Variants in KCNC1 observed in about 807,000 individuals in gnomAD.
The protein encoded by KCNC1 is voltage-gated potassium channel KCNC1.
KCNC1 carries 8 observed loss-of-function variants against 43.4 expected under a neutral mutation model. The ratio of observed to expected loss-of-function variants is 0.18; its 90% CI spans 0.11 to 0.33. KCNC1 has a LOEUF of 0.33. KCNC1 is among the 10% of genes least tolerant of loss of function. The probability of loss-of-function intolerance (pLI) is 1.00; values close to 1 mark genes in which losing one functional copy is unlikely to be tolerated. For missense variants in KCNC1, 420 were observed against 836.0 expected (o/e 0.50, Z 6.14); for synonymous variants, 361 against 360.5 (o/e 1.00, Z -0.01).
chr11:17,742,263 T>C lies in KCNC1; in HGVS notation c.570+5691T>C, dbSNP rs1848852095. Among the ~76,000 whole-genome samples, 1 of 152,014 alleles carries C rather than the reference T, an allele frequency of 6.6e-6. No individual in the cohort carries two copies. Among genetic ancestry groups the C allele is most frequent in the African/African-American group, 2.4e-5 (1 of 41,362 alleles). On this transcript the variant is annotated intron_variant, in intron 1 of 3. Transcript: ENST00000265969. The surrounding 1 kb of genome is among the most constrained non-coding windows in gnomAD (Gnocchi z 4.2). ...TTGACTCTGAGCAGGAGGCCTGGCC[T>C]CTGCCAGAAGCTTTGGAGGGGATTG...
chr11:17,773,566 G>T lies in KCNC1; in HGVS notation c.1504+968G>T. ...CGTGAATTCACTGGGGGCCGGGAGG[G>T]GGGAGGGGGGCATGAAACAATACTA... On this transcript the variant is annotated intron_variant, in intron 2 of 3. Transcript: ENST00000265969. The surrounding 1 kb of genome is among the most constrained non-coding windows in gnomAD (Gnocchi z 4.1). 2.0e-6 allele frequency: 2 copies of T among 985,010 alleles called. No individual in the cohort carries two copies. Among genetic ancestry groups the T allele is most frequent in the Non-Finnish European group, 2.4e-6 (2 of 829,744 alleles). 61.0% of individuals were successfully genotyped at this position (985,010 alleles called of 1,614,324 possible). A position where few individuals can be genotyped will look rare whatever the true frequency, so the allele number is the denominator to read the frequency against.
intron 1 of KCNC1, among the ~76,000 whole-genome samples, chr11:17,744,361 G>A (rs1848875149): frequency 1.3e-5 from 2 of 152,114 alleles, no homozygotes; most frequent in Admixed American, 6.5e-5. Flanking sequence ...AAAGGTCCTG[G>A]CCCAGAGCAG....
chr11:17,775,983 AG>A, intron 2 of KCNC1: 8 of 984,712 alleles, frequency 8.1e-6, no homozygotes, highest in Non-Finnish European at 6.0e-6. Context: ...CTATCCATGG[AG>A]GGGGGAGGGA....
intron 1 of KCNC1, among the ~76,000 whole-genome samples, chr11:17,761,344 A>G (rs999826549): frequency 6.6e-6 from 1 of 152,194 alleles, no homozygotes; most frequent in Non-Finnish European, 1.5e-5. Context: ...CCTCTTGGTA[A>G]TTTGTGAAAA....
chr11:17,770,475 T>C (rs1312798466), intron 1 of KCNC1, among the ~76,000 whole-genome samples: 1 of 151,926 alleles, frequency 6.6e-6, no homozygotes, highest in East Asian at 1.9e-4. Context: ...TGTGTTAGAG[T>C]CCCGGCGGGG....
At position 17,738,474 on chromosome 11, in the gene KCNC1, G is replaced by A. The variant is rs928065989; in HGVS notation, c.570+1902G>A. Among the ~76,000 whole-genome samples, 8 of 152,272 alleles carry A rather than the reference G, an allele frequency of 5.3e-5. No homozygotes were observed. In the South Asian group the frequency reaches 8.3e-4, roughly 16 times the overall value. On this transcript the variant is annotated intron_variant, in intron 1 of 3. Transcript: ENST00000265969. ...CACCAACTTTGGCCCCAGAAGCAAG[G>A]GGTAGGCTCAGTCTCCTGACTCCCA...
chr11:17,745,093 C>A (rs943541777), intron 1 of KCNC1, among the ~76,000 whole-genome samples: 2 of 152,152 alleles, frequency 1.3e-5, no homozygotes, highest in Non-Finnish European at 2.9e-5. Flanking sequence ...TCAGAATCTG[C>A]ATTTTCACTC....
chr11:17,772,901 A>G, intron 2 of KCNC1: 3 of 1,242,944 alleles, frequency 2.4e-6, no homozygotes, highest in Middle Eastern at 3.1e-4. Flanking sequence ...AGCAGGAGCC[A>G]GGGGGGCTCT....
chr11:17,749,262 C>G (rs974263434), intron 1 of KCNC1, among the ~76,000 whole-genome samples: 1 of 152,260 alleles, frequency 6.6e-6, no homozygotes, highest in Non-Finnish European at 1.5e-5. Flanking sequence ...GCTCACTGCA[C>G]TGCGAGCACT....
At chr11:17,740,483 G>A (rs1430335015) in intron 1 of KCNC1, among the ~76,000 whole-genome samples, 6 of 152,044 alleles carry the variant, frequency 3.9e-5, no homozygotes, top group African/African-American at 7.3e-5. Context: ...GGGAGTGTTG[G>A]GGCTGCCTGG....
At chr11:17,737,990 A>C (rs1041600681) in intron 1 of KCNC1, among the ~76,000 whole-genome samples, 10 of 151,154 alleles carry the variant, frequency 6.6e-5, no homozygotes, top group African/African-American at 2.4e-4. Context: ...GATCAAAAAC[A>C]GTATGGTATG....
At chr11:17,748,375 G>GT (rs1373223172) in intron 1 of KCNC1, among the ~76,000 whole-genome samples, 3 of 152,066 alleles carry the variant, frequency 2.0e-5, no homozygotes, top group Admixed American at 2.0e-4. Flanking sequence ...AAGGACAGTG[G>GT]TATATCAGAA....
rs1849256264 is a variant in KCNC1 at position 17,773,689 on chromosome 11, A to T, written c.1504+1091A>T. On this transcript the variant is annotated intron_variant, in intron 2 of 3. Transcript: ENST00000265969. The surrounding 1 kb of genome is among the most constrained non-coding windows in gnomAD (Gnocchi z 4.1). ...CTGCACATAGCACATAAAGTTGATC[A>T]TGGGGCTCTGGTCCGAAGATATAAA... is the stretch of plus-strand genomic sequence containing the variant. The T allele has an allele frequency of 7.1e-6, 7 of 985,268 alleles. No individual in the cohort carries two copies. Among genetic ancestry groups the T allele is most frequent in the Non-Finnish European group, 8.4e-6 (7 of 829,920 alleles). The allele number at this position is 985,268 out of a possible 1,614,324, so 61.0% of individuals were successfully genotyped here. A position where few individuals can be genotyped will look rare whatever the true frequency, so the allele number is the denominator to read the frequency against.
At chr11:17,763,453 G>A (rs1849100357) in intron 1 of KCNC1, among the ~76,000 whole-genome samples, 1 of 151,758 alleles carries the variant, frequency 6.6e-6, no homozygotes, top group Non-Finnish European at 1.5e-5. Flanking sequence ...CTGGGAGATG[G>A]CCCGGACACG....
chr11:17,774,492 G>A (rs1410343421), intron 2 of KCNC1: 2 of 985,420 alleles, frequency 2.0e-6, no homozygotes, highest in African/African-American at 3.5e-5. Flanking sequence ...CTTGGACAAT[G>A]ACAGTATTAT....
At position 17,771,573 on chromosome 11, in the gene KCNC1, C is replaced by A. The variant is rs1373494599; in HGVS notation, c.571-92C>A. 9.1e-7 allele frequency: 1 copy of A among 1,104,598 alleles called. No homozygotes were observed. The highest frequency in any genetic ancestry group is 1.3e-6 in the Non-Finnish European group (1 of 761,762). 68.4% of individuals were successfully genotyped at this position (1,104,598 alleles called of 1,614,324 possible). ...TGCAGGGGGCCTGGTGCTGGCATCT[C>A]CCCCCGCCTGGCCCTGGGACTGGAC... is the stretch of plus-strand genomic sequence containing the variant. On this transcript the variant is annotated intron_variant, in intron 1 of 3. Transcript: ENST00000265969. The surrounding 1 kb of genome is among the most constrained non-coding windows in gnomAD (Gnocchi z 4.7).
chr11:17,771,699 T>G lies in KCNC1; in HGVS notation c.605T>G (p.Val202Gly), dbSNP rs374846297. 1 of 1,611,578 alleles carries G rather than the reference T, an allele frequency of 6.2e-7. No individual in the cohort carries two copies. Among genetic ancestry groups the G allele is most frequent in the Non-Finnish European group, 8.5e-7 (1 of 1,177,778 alleles). ...VAFASLFFIL[V>G]SITTFCLETH... ...TTCGCTTCCCTCTTCTTCATCCTGG[T>G]CTCCATCACCACCTTCTGCCTGGAG... The change falls in exon 2 of 4, where the codon GTC becomes GGC. Residue 202 changes from valine (V) to glycine (G), a missense_variant. By Grantham distance (109) the Val-to-Gly change is moderately radical. Transcript: ENST00000265969. This position sits in a 1 kb window ranked among gnomAD's most constrained non-coding sequence, Gnocchi z 4.7.
At position 17,772,525 on chromosome 11, in the gene KCNC1, C is replaced by T. The variant is rs1849241765; in HGVS notation, c.1431C>T (p.Asn477=). 4.3e-6 allele frequency: 7 copies of T among 1,614,120 alleles called. No homozygotes were observed. Among genetic ancestry groups the T allele is most frequent in the Non-Finnish European group, 5.1e-6 (6 of 1,180,050 alleles). ...CCAATTATTGTAAATCTGTCGTAAA[C>T]TCTCCACACCACAGTACTCAGAGTG... The part of the protein sequence containing the change: ...GSPNYCKSVV[N]SPHHSTQSDT... The change falls in exon 2 of 4, where the codon AAC becomes AAT. Residue 477 remains asparagine, a synonymous_variant. Coordinates refer to ENST00000265969, the MANE Select transcript of KCNC1 (RefSeq NM_001112741.2).
chr11:17,768,616 G>GGC (rs1554991049), intron 1 of KCNC1, among the ~76,000 whole-genome samples: 3 of 150,928 alleles, frequency 2.0e-5, no homozygotes, highest in Admixed American at 6.6e-5. Context: ...TGTTGGTGGG[G>GGC]GGGGGGGCGG....
Sources: gnomAD v4.1 joint callset for allele counts (sites outside exome capture counted in the v4.1 genomes callset) on GRCh38, gnomAD v4.1.1 for gene constraint, Gnocchi (gnomAD v3.1) non-coding constraint, MANE v1.5 for transcripts, NCBI Gene and HGNC (gene_info 2026-07-23, HGNC 2026-07-21) for gene names.